RFFL: variants seen among roughly 807,000 people sequenced by gnomAD.
RFFL encodes the protein ring finger and FYVE like domain containing E3 ubiquitin protein ligase.
A neutral mutation model predicts 40.4 loss-of-function variants in RFFL; 16 were observed. The ratio of observed to expected loss-of-function variants is 0.40; its 90% confidence interval spans 0.27 to 0.60. The LOEUF (loss-of-function observed/expected upper bound fraction) is 0.60. Among genes scored for constraint, RFFL ranks in the 20% least tolerant of loss-of-function variants. The pLI is 0.47. For missense variants in RFFL, 367 were observed against 451.7 expected, an observed-to-expected ratio of 0.81 and a Z score of 1.70; for synonymous variants, 154 against 167.9, an observed-to-expected ratio of 0.92 and a Z score of 0.64.
chr17:35,069,298 G>A lies in RFFL; in HGVS notation c.-9+19807C>T, dbSNP rs527400036. On this transcript the variant is annotated intron_variant, in intron 1 of 6. Coordinates refer to the RFFL transcript ENST00000315249. ...AATGCCCCAAGATTAACTTACCTTT[G>A]TTCATGTCCCCAAGTCTAGGGGGCC... is the stretch of plus-strand genomic sequence containing the variant. 2.0e-4 allele frequency: 92 copies of A among 456,576 alleles called. 3 individuals are homozygous for A. The highest frequency in any genetic ancestry group is 1.3e-3 in the Middle Eastern group (4 of 3,076). The allele number at this position is 456,576 out of a possible 1,614,324, so 28.3% of individuals were successfully genotyped here. A position where few individuals can be genotyped will look rare whatever the true frequency, so the allele number is the denominator to read the frequency against.
chr17:35,012,182 C>T, intron 6 of RFFL, 33 bp from the exon 7 acceptor site: 1 of 1,598,406 alleles, frequency 6.3e-7, no homozygotes, highest in Non-Finnish European at 8.6e-7. Context: ...AAAAAAGGGG[C>T]AGAGGAGTGA....
At chr17:35,028,425 C>T (rs760951308) in intron 1 of RFFL, among the ~76,000 whole-genome samples, 4 of 152,068 alleles carry the variant, frequency 2.6e-5, no homozygotes, top group East Asian at 3.9e-4. Flanking sequence ...ATGATTTTTA[C>T]GATCACAAAA....
chr17:35,039,218 T>C (rs1030440886), intron 1 of RFFL, among the ~76,000 whole-genome samples: 1 of 151,572 alleles, frequency 6.6e-6, no homozygotes, highest in Non-Finnish European at 1.5e-5. Flanking sequence ...ATATGACAGA[T>C]TTTTTTCTTT....
At chr17:35,071,572 C>G (rs1319231525) in intron 1 of RFFL, among the ~76,000 whole-genome samples, 1 of 151,250 alleles carries the variant, frequency 6.6e-6, no homozygotes, top group Non-Finnish European at 1.5e-5. Context: ...GAGCTGAGAT[C>G]GCACCATTGC....
intron 1 of RFFL, among the ~76,000 whole-genome samples, chr17:35,072,842 G>C (rs984199809): frequency 1.3e-5 from 2 of 152,070 alleles, no homozygotes; most frequent in Admixed American, 1.3e-4. Context: ...TGGAGAGTTC[G>C]AGACCAGCCT....
chr17:35,033,396 C>T (rs2091098066), intron 1 of RFFL, among the ~76,000 whole-genome samples: 1 of 151,740 alleles, frequency 6.6e-6, no homozygotes, highest in South Asian at 2.1e-4. Flanking sequence ...GGTATGGTAG[C>T]ACGCGCCTGT....
At chr17:35,044,555 AGT>A (rs2091186084) in intron 1 of RFFL, among the ~76,000 whole-genome samples, 2 of 152,192 alleles carry the variant, frequency 1.3e-5, no homozygotes, top group South Asian at 2.1e-4. Context: ...TGGAGGTTGC[AGT>A]GACTCGACAC....
chr17:35,054,602 AT>A (rs1429661563), intron 1 of RFFL, among the ~76,000 whole-genome samples: 1 of 150,674 alleles, frequency 6.6e-6, no homozygotes, highest in Non-Finnish European at 1.5e-5. Context: ...AGAAGACTTT[AT>A]TTAACTGGGT....
At chr17:35,035,365 C>G (rs979298226) in intron 1 of RFFL, among the ~76,000 whole-genome samples, 1 of 150,924 alleles carries the variant, frequency 6.6e-6, no homozygotes, top group East Asian at 2.0e-4. Flanking sequence ...GCTGAAATTG[C>G]ACCACTGCAC....
At chr17:35,020,317 G>A (rs1277972750) in intron 3 of RFFL, among the ~76,000 whole-genome samples, 4 of 151,898 alleles carry the variant, frequency 2.6e-5, no homozygotes, top group Admixed American at 2.6e-4. Flanking sequence ...GAACCCGGAT[G>A]CACAGCAGGA....
intron 1 of RFFL, among the ~76,000 whole-genome samples, chr17:35,082,271 G>C (rs1246881841): frequency 1.3e-5 from 2 of 152,130 alleles, no homozygotes; most frequent in African/African-American, 2.4e-5. Flanking sequence ...CTTTAAAAGA[G>C]GGAAAAGGAG....
chr17:35,015,935 G>T (rs1384277315), intron 5 of RFFL, among the ~76,000 whole-genome samples: 1 of 152,214 alleles, frequency 6.6e-6, no homozygotes, highest in Non-Finnish European at 1.5e-5. Context: ...CCCAAGTGCA[G>T]ATGGAACAGC....
chr17:35,062,793 T>G (rs1334134787), intron 1 of RFFL, among the ~76,000 whole-genome samples: 2 of 152,192 alleles, frequency 1.3e-5, no homozygotes, highest in Non-Finnish European at 2.9e-5. Context: ...TATCATAGTC[T>G]GATTAGGTGA....
At chr17:35,074,440 T>C (rs1394721806) in intron 1 of RFFL, 5 of 152,188 alleles carry the variant, frequency 3.3e-5, no homozygotes, top group African/African-American at 1.2e-4. Flanking sequence ...CTGGACTGGT[T>C]ACTTCTGCAG....
chr17:35,082,734 CAT>C (rs2091408735), intron 1 of RFFL, among the ~76,000 whole-genome samples: 1 of 152,156 alleles, frequency 6.6e-6, no homozygotes. Flanking sequence ...ATACAAAAAA[CAT>C]ATTTTTCTCT....
At chr17:35,040,092 G>A (rs574344049) in intron 1 of RFFL, among the ~76,000 whole-genome samples, 2 of 152,158 alleles carry the variant, frequency 1.3e-5, no homozygotes, top group East Asian at 3.9e-4. Context: ...AGATCTAATT[G>A]ACACTTCTCT....
chr17:35,057,502 G>T (rs544038460), intron 1 of RFFL, among the ~76,000 whole-genome samples: 7 of 151,404 alleles, frequency 4.6e-5, no homozygotes, highest in Admixed American at 6.6e-5. Flanking sequence ...CTATAACATA[G>T]CTGTCTGGCA....
intron 2 of RFFL, 51 bp downstream of exon 2, chr17:35,026,323 C>T (rs759256086): frequency 6.3e-7 from 1 of 1,587,060 alleles, no homozygotes; most frequent in Non-Finnish European, 8.6e-7. Context: ...TGGCGCTTGC[C>T]CATGGTCCAT....
intron 1 of RFFL, among the ~76,000 whole-genome samples, chr17:35,080,422 A>C (rs1038843801): frequency 1.3e-5 from 2 of 152,280 alleles, no homozygotes; most frequent in Non-Finnish European, 2.9e-5. Context: ...TTTAGGATAA[A>C]ATACGTTGAT....
Sources: allele counts gnomAD v4.1 joint callset (sites outside exome capture counted in the v4.1 genomes callset), GRCh38; gene constraint gnomAD v4.1.1; transcripts MANE v1.5; gene names NCBI Gene and HGNC (gene_info 2026-07-23, HGNC 2026-07-21).